The following STIM1 variants were observed in gnomAD, a reference collection of about 807,000 sequenced individuals.
The protein encoded by STIM1 is stromal interaction molecule 1.
Under a neutral mutation model 74.7 loss-of-function variants are expected in STIM1, and 25 were observed. The ratio of observed to expected loss-of-function variants is 0.33; its 90% CI spans 0.24 to 0.47. The LOEUF (loss-of-function observed/expected upper bound fraction) is 0.47. Ranked by LOEUF, STIM1 falls within the 20% of genes least tolerant of loss-of-function variation. STIM1 has a pLI of 1.00. For missense variants in STIM1, 728 were observed against 920.8 expected, an observed-to-expected ratio of 0.79 and a Z score of 2.71; for synonymous variants, 328 against 348.8, an observed-to-expected ratio of 0.94 and a Z score of 0.66.
chr11:4,015,452 C>T (rs1027384948), intron 2 of STIM1, among the ~76,000 whole-genome samples: 8 of 152,160 alleles, frequency 5.3e-5, no homozygotes, highest in African/African-American at 1.9e-4. Context: ...GGTAACCCGA[C>T]CTCTCTCTCT....
chr11:4,006,030 C>T (rs1438498881), intron 2 of STIM1, among the ~76,000 whole-genome samples: 1 of 152,138 alleles, frequency 6.6e-6, no homozygotes, highest in East Asian at 1.9e-4. Flanking sequence ...TTTGATATGG[C>T]TTGGTTCTGT....
chr11:4,053,702 C>T (rs2094263653), intron 3 of STIM1, among the ~76,000 whole-genome samples: 1 of 151,298 alleles, frequency 6.6e-6, no homozygotes, highest in African/African-American at 2.4e-5. Flanking sequence ...GCACATTGTG[C>T]ACATGTACCC....
intron 7 of STIM1, among the ~76,000 whole-genome samples, chr11:4,079,195 G>A (rs570546398): frequency 1.5e-3 from 229 of 152,214 alleles, no homozygotes; most frequent in Non-Finnish European, 2.6e-3. Context: ...GGAGGCTGAG[G>A]CAGGAGAATG....
intron 2 of STIM1, among the ~76,000 whole-genome samples, chr11:3,982,942 T>A (rs1327783446): frequency 1.3e-5 from 2 of 151,934 alleles, no homozygotes; most frequent in African/African-American, 4.8e-5. Context: ...TTAATTTTTA[T>A]TTTTTTTGAG....
In STIM1 at chr11:4,070,339, G is replaced by T; in HGVS notation, c.791+136G>T. The T allele has an allele frequency of 5.2e-6, 5 of 970,454 alleles. No homozygotes were observed. In the South Asian group the frequency reaches 6.9e-5, roughly 13 times the overall value. 60.1% of individuals were successfully genotyped at this position (970,454 alleles called of 1,614,324 possible). A position where few individuals can be genotyped will look rare whatever the true frequency, so the allele number is the denominator to read the frequency against. ...CAGGCTGCATCATCCTTCCAAAACT[G>T]CATTGCAAGTTTAGGTTGCTGATAT... On this transcript the variant is annotated intron_variant, in intron 6 of 12. Coordinates refer to ENST00000526596, the MANE Select transcript of STIM1 (RefSeq NM_001382567.1).
chr11:4,006,468 G>T (rs753809032), intron 2 of STIM1, among the ~76,000 whole-genome samples: 2 of 152,166 alleles, frequency 1.3e-5, no homozygotes, highest in South Asian at 2.1e-4. Context: ...AGGCTGGAGT[G>T]CAGTGGCACA....
At chr11:4,022,878 A>G (rs2093968963) in intron 2 of STIM1, among the ~76,000 whole-genome samples, 1 of 152,208 alleles carries the variant, frequency 6.6e-6, no homozygotes, top group African/African-American at 2.4e-5. Flanking sequence ...GGTGAAATTT[A>G]TATTGCTTTT....
At chr11:3,866,074 C>G (rs890761118) in intron 1 of STIM1, among the ~76,000 whole-genome samples, 2 of 152,178 alleles carry the variant, frequency 1.3e-5, no homozygotes, top group African/African-American at 4.8e-5. Flanking sequence ...GTGGTGGTTG[C>G]TTTCCTGACA....
At chr11:3,875,137 C>T (rs974471614) in intron 1 of STIM1, among the ~76,000 whole-genome samples, 2 of 152,088 alleles carry the variant, frequency 1.3e-5, no homozygotes, top group Admixed American at 1.3e-4. Flanking sequence ...GCCTGTTGAC[C>T]ATGGTGCTTG....
chr11:3,921,279 G>C (rs533069670), intron 1 of STIM1, among the ~76,000 whole-genome samples: 1 of 152,158 alleles, frequency 6.6e-6, no homozygotes, highest in Non-Finnish European at 1.5e-5. Flanking sequence ...GTTATACTTC[G>C]ATATTTGGCC....
intron 1 of STIM1, among the ~76,000 whole-genome samples, chr11:3,942,237 T>C (rs572866986): frequency 9.2e-5 from 14 of 152,252 alleles, no homozygotes; most frequent in African/African-American, 3.4e-4. Flanking sequence ...ACCTGGTCTG[T>C]CTACTCCAAT....
At chr11:3,998,354 C>G (rs2093681304) in intron 2 of STIM1, among the ~76,000 whole-genome samples, 7 of 152,192 alleles carry the variant, frequency 4.6e-5, no homozygotes, top group Admixed American at 4.6e-4. Context: ...CTCTCTGGCT[C>G]CTGGCTAAAT....
chr11:4,009,251 C>T (rs974663621), intron 2 of STIM1, among the ~76,000 whole-genome samples: 3 of 148,434 alleles, frequency 2.0e-5, no homozygotes, highest in Non-Finnish European at 4.5e-5. Flanking sequence ...GCTGCGATCG[C>T]GCCACTGCAC....
chr11:4,091,360 G>A lies in STIM1; in HGVS notation c.1713G>A (p.Met571Ile). The change falls in exon 13 of 13, where the codon ATG becomes ATA. Residue 571 changes from methionine to isoleucine, a missense_variant. Physicochemically the swap from Met to Ile is conservative, Grantham distance 10. Coordinates refer to ENST00000526596, the MANE Select transcript of STIM1 (RefSeq NM_001382567.1). ...RQRVAPKPPQ[M>I]SRAADEALNA... ...GTGTGGCCCCCAAACCTCCTCAGAT[G>A]AGCCGTGCTGCAGACGAGGCTCTCA... 6.2e-7 allele frequency: 1 copy of A among 1,614,202 alleles called. No individual in the cohort carries two copies. The highest frequency in any genetic ancestry group is 8.5e-7 in the Non-Finnish European group (1 of 1,180,046).
intron 7 of STIM1, among the ~76,000 whole-genome samples, chr11:4,081,847 G>C (rs1332934888): frequency 1.3e-5 from 2 of 152,330 alleles, no homozygotes; most frequent in East Asian, 3.8e-4. Context: ...TTGGTAAGAT[G>C]ATTCACTAGC....
intron 1 of STIM1, among the ~76,000 whole-genome samples, chr11:3,899,169 G>A (rs1303645264): frequency 3.0e-5 from 4 of 133,352 alleles, no homozygotes; most frequent in African/African-American, 1.1e-4. Context: ...TCTTCCATTT[G>A]TTTGTATCCT....
chr11:3,878,544 G>A (rs2091381410), intron 1 of STIM1, among the ~76,000 whole-genome samples: 1 of 152,062 alleles, frequency 6.6e-6, no homozygotes, highest in Non-Finnish European at 1.5e-5. Flanking sequence ...TTGGTTACTT[G>A]TGGAAGGTCA....
intron 3 of STIM1, among the ~76,000 whole-genome samples, chr11:4,038,759 C>G (rs1398665159): frequency 6.6e-6 from 1 of 152,154 alleles, no homozygotes; most frequent in East Asian, 1.9e-4. Context: ...TACCATTATT[C>G]TTGGCCCAGC....
At chr11:3,994,146 A>G (rs2093640536) in intron 2 of STIM1, among the ~76,000 whole-genome samples, 1 of 152,216 alleles carries the variant, frequency 6.6e-6, no homozygotes, top group Admixed American at 6.5e-5. Flanking sequence ...CTTGGTTGAC[A>G]TCCTCTCACT....
Sources: allele counts gnomAD v4.1 joint callset (sites outside exome capture counted in the v4.1 genomes callset), GRCh38; gene constraint gnomAD v4.1.1; transcripts MANE v1.5; gene names NCBI Gene and HGNC (gene_info 2026-07-23, HGNC 2026-07-21).